The following NIT2 variants were observed in gnomAD, a reference collection of about 807,000 sequenced individuals.
NIT2 encodes the protein nitrilase family member 2.
Under a neutral mutation model 42.7 loss-of-function variants are expected in NIT2, and 46 were observed. That is an observed-to-expected ratio of 1.08 (90% CI 0.85 to 1.38). The LOEUF (loss-of-function observed/expected upper bound fraction) is 1.38. NIT2 is among the 40% of genes most tolerant of loss of function. NIT2 has a pLI of 0.00. For missense variants in NIT2, 309 were observed against 342.5 expected (o/e 0.90, Z 0.77); for synonymous variants, 123 against 121.9 (o/e 1.01, Z -0.06).
At chr3:100,341,225 A>G in intron 4 of NIT2, 64 bp downstream of exon 4, 1 of 1,241,196 alleles carries the variant, frequency 8.1e-7, no homozygotes, top group African/African-American at 1.5e-5. Flanking sequence ...GTGGAAAAAA[A>G]ATTTGCTATG....
chr3:100,338,985 TC>T, intron 1 of NIT2, 101 bp from the exon 2 acceptor site: 3 of 801,900 alleles, frequency 3.7e-6, no homozygotes, highest in South Asian at 1.4e-5. Context: ...TTGTCAGATG[TC>T]CCCCCGGGGA....
At chr3:100,348,162 G>A (rs1706236995) in intron 6 of NIT2, among the ~76,000 whole-genome samples, 1 of 152,242 alleles carries the variant, frequency 6.6e-6, no homozygotes, top group Non-Finnish European at 1.5e-5. Flanking sequence ...AAAGTGCTGG[G>A]ATTACAGGCG....
At chr3:100,349,863 G>A (rs930057183) in intron 7 of NIT2, 3 of 152,206 alleles carry the variant, frequency 2.0e-5, no homozygotes, top group Admixed American at 2.0e-4. Flanking sequence ...AAGATGGAAG[G>A]GAAAATGAAT....
At chr3:100,338,947 G>A in intron 1 of NIT2, 140 bp from the exon 2 acceptor site, 1 of 700,928 alleles carries the variant, frequency 1.4e-6, no homozygotes, top group Non-Finnish European at 2.6e-6. Context: ...TACCTCATCA[G>A]TTGTGGCATC....
intron 1 of NIT2, among the ~76,000 whole-genome samples, chr3:100,336,626 C>T (rs973850462): frequency 2.4e-4 from 36 of 152,292 alleles, no homozygotes; most frequent in African/African-American, 8.7e-4. Context: ...GAATTAAGTG[C>T]TGTGCTTTAG....
intron 4 of NIT2, among the ~76,000 whole-genome samples, chr3:100,343,436 G>A (rs948408129): frequency 2.0e-5 from 3 of 151,650 alleles, no homozygotes; most frequent in Admixed American, 6.6e-5. Context: ...AATTTCTGTT[G>A]ATCTTTCAGA....
At position 100,358,365 on chromosome 3, in the gene NIT2, C is replaced by T. The variant is rs1706343516; in HGVS notation, c.*3097C>T. 2 of 152,208 alleles carry T rather than the reference C, an allele frequency of 1.3e-5. No individual in the cohort carries two copies. The highest frequency in any genetic ancestry group is 3.9e-4 in the East Asian group (2 of 5,178). 9.4% of individuals were successfully genotyped at this position (152,208 alleles called of 1,614,324 possible). On this transcript the variant is annotated 3_prime_UTR_variant, in exon 10 of 10. Transcript: ENST00000394140. ...CTTGGGTAAGTTTTAACTGCCATACCCCTGTACTCCCCGACTTTCTAATGA... is the reference window on the plus strand; with the variant it reads ...CTTGGGTAAGTTTTAACTGCCATACTCCTGTACTCCCCGACTTTCTAATGA...
intron 1 of NIT2, among the ~76,000 whole-genome samples, chr3:100,336,040 G>A (rs566353698): frequency 2.6e-5 from 4 of 152,312 alleles, no homozygotes; most frequent in Non-Finnish European, 1.5e-5. Flanking sequence ...TCCTGTTTTA[G>A]TTTCCCTTCA....
At chr3:100,345,294 T>G (rs1706203401) in intron 4 of NIT2, among the ~76,000 whole-genome samples, 1 of 152,172 alleles carries the variant, frequency 6.6e-6, no homozygotes, top group South Asian at 2.1e-4. Context: ...ATTTATATTT[T>G]TAAAAAGCAA....
chr3:100,341,104 A>G lies in NIT2; in HGVS notation c.279A>G (p.Leu93=), dbSNP rs776319553. The change falls in exon 4 of 10, where the codon TTA becomes TTG. Residue 93 remains leucine (L), a synonymous_variant. Transcript: ENST00000394140. Reference sequence around the variant, plus strand: ...TCCCTGAAGAGGATGCTGGGAAATTATATAACACCTGTGCTGTGTTTGGGC... The same window carrying G: ...TCCCTGAAGAGGATGCTGGGAAATTGTATAACACCTGTGCTGTGTTTGGGC... ...GSIPEEDAGK[L]YNTCAVFGPD... 4 of 1,613,684 alleles carry G rather than the reference A, an allele frequency of 2.5e-6. No homozygotes were observed. In the South Asian group the frequency reaches 3.3e-5, roughly 13 times the overall value.
Position 100,339,930 on chromosome 3 carries a change from T to C in NIT2, c.242T>C (p.Ile81Thr), listed in dbSNP as rs773098784. The C allele has an allele frequency of 1.2e-6, 2 of 1,611,650 alleles. No individual in the cohort carries two copies. The highest frequency in any genetic ancestry group is 1.7e-4 in the Middle Eastern group (1 of 6,048). ...EVAKECSIYL[I>T]GGSIPEEDAG... Reference sequence around the variant, plus strand: ...GCAAAGGAATGCAGCATATATCTCATTGGAGGTAACTTCCTACCCACAAGG... The same window carrying C: ...GCAAAGGAATGCAGCATATATCTCACTGGAGGTAACTTCCTACCCACAAGG... The change falls in exon 3 of 10, where the codon ATT (isoleucine) becomes ACT (threonine). Residue 81 changes from isoleucine (I) to threonine (T), a missense_variant. By Grantham distance (89) the Ile-to-Thr change is moderately conservative (BLOSUM62 -1). Coordinates refer to ENST00000394140, the MANE Select transcript of NIT2 (RefSeq NM_020202.5).
chr3:100,341,554 G>C (rs1476669494), intron 4 of NIT2, among the ~76,000 whole-genome samples: 2 of 151,868 alleles, frequency 1.3e-5, no homozygotes, highest in South Asian at 2.1e-4. Flanking sequence ...ATTTTTAGTA[G>C]AGACTTGGTT....
rs758571664 is a variant in NIT2 at position 100,345,636 on chromosome 3, A to G, written c.388A>G (p.Lys130Glu). 1.5e-5 allele frequency: 24 copies of G among 1,613,236 alleles called. No individual in the cohort carries two copies. Among genetic ancestry groups the G allele is most frequent in the East Asian group, 2.2e-5 (1 of 44,870 alleles). The change falls in exon 5 of 10, where the codon AAA becomes GAA. Residue 130 changes from lysine to glutamate, a missense_variant. By Grantham distance (56) the Lys-to-Glu change is moderately conservative (BLOSUM62 1). Transcript: ENST00000394140. ...TGGAAAAATTACATTTCAAGAATCT[A>G]AAACATTGAGTCCGGGTGATAGTTT... ...VPGKITFQESKTLSPGDSFST... is the reference protein window; with the variant it reads ...VPGKITFQESETLSPGDSFST...
At chr3:100,348,349 G>A (rs1008802887) in intron 6 of NIT2, among the ~76,000 whole-genome samples, 26 of 152,344 alleles carry the variant, frequency 1.7e-4, no homozygotes, top group African/African-American at 5.8e-4. Context: ...ATGTTAATGA[G>A]CTTATAATGA....
In NIT2 at chr3:100,345,656, T is replaced by TAAA. The variant is rs777352401; in HGVS notation, c.409_410insAAA (p.Asp136_Ser137insLys). 1.2e-6 allele frequency: 2 copies of TAAA among 1,612,204 alleles called. No individual in the cohort carries two copies. The highest frequency in any genetic ancestry group is 8.5e-7 in the Non-Finnish European group (1 of 1,178,418). ...AATCTAAAACATTGAGTCCGGGTGATAGTTTCTCCACATTTGATACTCGTA... is the reference window on the plus strand; with the variant it reads ...AATCTAAAACATTGAGTCCGGGTGATAAAAGTTTCTCCACATTTGATACTCGTA... On this transcript the variant is annotated inframe_insertion, in exon 5 of 10. Coordinates refer to ENST00000394140, the MANE Select transcript of NIT2 (RefSeq NM_020202.5).
intron 7 of NIT2, 150 bp downstream of exon 7, chr3:100,349,031 T>A: frequency 1.6e-6 from 1 of 618,884 alleles, no homozygotes; most frequent in African/African-American, 1.8e-5. Context: ...AGGATGAAGC[T>A]ATAAGGAGGA....
chr3:100,335,907 G>A (rs1706064622), intron 1 of NIT2, among the ~76,000 whole-genome samples: 1 of 152,240 alleles, frequency 6.6e-6, no homozygotes, highest in Non-Finnish European at 1.5e-5. Flanking sequence ...AACTACTTGG[G>A]AAGCTGAGGA....
In NIT2 at chr3:100,358,929, A is replaced by G. The variant is rs1165102091; in HGVS notation, c.*3661A>G. 2.0e-5 allele frequency: 3 copies of G among 152,190 alleles called. No homozygotes were observed. In the East Asian group the frequency reaches 5.8e-4, roughly 29 times the overall value. 9.4% of individuals were successfully genotyped at this position (152,190 alleles called of 1,614,324 possible). A position where few individuals can be genotyped will look rare whatever the true frequency, so the allele number is the denominator to read the frequency against. ...ATGAAGCCAGGAGGGATAGAAAGGG[A>G]AATGATGTGTGTGCTGCAGGCTAAA... On this transcript the variant is annotated 3_prime_UTR_variant, in exon 10 of 10. Coordinates refer to ENST00000394140, the MANE Select transcript of NIT2 (RefSeq NM_020202.5).
Position 100,341,080 on chromosome 3 carries a change from C to T in NIT2, c.255C>T (p.Ile85=). The T allele has an allele frequency of 3.1e-6, 5 of 1,610,100 alleles. No individual in the cohort carries two copies. The highest frequency in any genetic ancestry group is 4.3e-6 in the Non-Finnish European group (5 of 1,176,396). Residue 85 remains isoleucine, a synonymous_variant, in exon 4 of 10, where the codon ATC becomes ATT. Coordinates refer to ENST00000394140, the MANE Select transcript of NIT2 (RefSeq NM_020202.5). ...TTCTTCTCTCAATGAAAGGCTCTAT[C>T]CCTGAAGAGGATGCTGGGAAATTAT... is the stretch of plus-strand genomic sequence containing the variant. ...ECSIYLIGGS[I]PEEDAGKLYN...
Sources: gnomAD v4.1 joint callset for allele counts (sites outside exome capture counted in the v4.1 genomes callset) on GRCh38, gnomAD v4.1.1 for gene constraint, MANE v1.5 for transcripts, NCBI Gene and HGNC (gene_info 2026-07-23, HGNC 2026-07-21) for gene names.